The following BTD variants were observed in gnomAD, a reference collection of about 807,000 sequenced individuals.
BTD encodes biotinidase, also known as biocytinase.
A neutral mutation model predicts 17.7 loss-of-function variants in BTD; 13 were observed. The ratio of observed to expected loss-of-function variants is 0.74; its 90% CI spans 0.48 to 1.17. BTD has a LOEUF of 1.17. Ranked by LOEUF, BTD falls within the 50% of genes most tolerant of loss-of-function variation. The pLI is 0.00. For missense variants in BTD, 674 were observed against 650.4 expected, an observed-to-expected ratio of 1.04 and a Z score of -0.39; for synonymous variants, 240 against 245.2, an observed-to-expected ratio of 0.98 and a Z score of 0.20.
chr3:15,692,399 G>A (rs866420304), intron 3 of BTD, among the ~76,000 whole-genome samples: 3 of 152,158 alleles, frequency 2.0e-5, no homozygotes, highest in East Asian at 3.9e-4. Flanking sequence ...GTAGTGAGCC[G>A]TGATTGTGCC....
At chr3:15,713,671 G>A (rs776552607), downstream of BTD, 1 of 1,453,490 alleles carries the variant, frequency 6.9e-7, no homozygotes, top group South Asian at 1.3e-5. Context: ...GTCAGACACT[G>A]GACCATATAA....
At chr3:15,714,840 T>A (rs1006837094), downstream of BTD, among the ~76,000 whole-genome samples, 11 of 152,144 alleles carry the variant, frequency 7.2e-5, no homozygotes. Flanking sequence ...AGCACGTGTA[T>A]CATAAAACAC....
chr3:15,658,091 C>T (rs959294552), downstream of BTD, among the ~76,000 whole-genome samples: 5 of 150,946 alleles, frequency 3.3e-5, no homozygotes, highest in East Asian at 5.9e-4. Flanking sequence ...TCGCTTGAAC[C>T]GGGGAGGTGG....
chr3:15,666,897 G>C (rs1193986177), intron 3 of BTD, among the ~76,000 whole-genome samples: 3 of 152,210 alleles, frequency 2.0e-5, no homozygotes, highest in East Asian at 3.9e-4. Flanking sequence ...CTCCCAATGT[G>C]ATCTTATTCT....
intron 3 of BTD, among the ~76,000 whole-genome samples, chr3:15,679,963 A>C (rs968919502): frequency 6.6e-6 from 1 of 152,174 alleles, no homozygotes; most frequent in Admixed American, 6.5e-5. Context: ...GAGATGATTT[A>C]AAGTATAGCA....
At chr3:15,663,222 C>G (rs557473749) in intron 3 of BTD, among the ~76,000 whole-genome samples, 74 of 152,226 alleles carry the variant, frequency 4.9e-4, no homozygotes, top group Non-Finnish European at 8.8e-4. Flanking sequence ...TCGAACTCCT[C>G]ACCTCAGGTG....
intron 3 of BTD, among the ~76,000 whole-genome samples, chr3:15,683,104 G>C (rs190321388): frequency 6.6e-6 from 1 of 152,280 alleles, no homozygotes; most frequent in Admixed American, 6.5e-5. Context: ...CCAAAGGACA[G>C]TTACAGCAGT....
At chr3:15,618,514 T>C (rs1209067895) in intron 1 of BTD, among the ~76,000 whole-genome samples, 1 of 152,148 alleles carries the variant, frequency 6.6e-6, no homozygotes, top group East Asian at 1.9e-4. Context: ...TAAATAGTAT[T>C]ATGGTTTTTA....
At chr3:15,622,742 AC>A (rs1169809720) in intron 1 of BTD, among the ~76,000 whole-genome samples, 2 of 190 alleles carry the variant, frequency 0.011, no homozygotes, top group Non-Finnish European at 0.023. Flanking sequence ...CATTGTTGGC[AC>A]AATGCACATT....
intron 1 of BTD, among the ~76,000 whole-genome samples, chr3:15,634,030 T>C (rs2065280613): frequency 6.6e-6 from 1 of 152,170 alleles, no homozygotes; most frequent in African/African-American, 2.4e-5. Flanking sequence ...TACATTTCCC[T>C]GGGGAAAGAA....
rs11921 is a variant in BTD at position 15,669,221 on chromosome 3, T to G, written c.399+27164T>G. The G allele has an allele frequency of 3.3e-5, 5 of 152,196 alleles. No individual in the cohort carries two copies. In the South Asian group the frequency reaches 1.0e-3, roughly 31 times the overall value. 9.4% of individuals were successfully genotyped at this position (152,196 alleles called of 1,614,324 possible). ...GAACAACAAGGAATTATTTTCCTTT[T>G]GATTATTCACTTTTTCAAAACTCAT... is the stretch of plus-strand genomic sequence containing the variant. On this transcript the variant is annotated intron_variant, in intron 3 of 3. Coordinates refer to the BTD transcript ENST00000672141.
intron 3 of BTD, among the ~76,000 whole-genome samples, chr3:15,661,072 C>A (rs1173397363): frequency 4.0e-5 from 6 of 151,706 alleles, no homozygotes; most frequent in Non-Finnish European, 7.4e-5. Flanking sequence ...TCAAGACAAG[C>A]CTGGCCAACA....
At chr3:15,711,692 A>AT (rs879312791) in exon 4 of BTD, among the ~76,000 whole-genome samples, 178 of 144,964 alleles carry the variant, frequency 1.2e-3, no homozygotes, top group Admixed American at 1.2e-3. Context: ...GGTTTTCTGT[A>AT]TTTTTTTTTT....
At chr3:15,654,597 C>T (rs1245428315), downstream of BTD, among the ~76,000 whole-genome samples, 1 of 151,856 alleles carries the variant, frequency 6.6e-6, no homozygotes, top group Non-Finnish European at 1.5e-5. Context: ...GTCCTGCATC[C>T]TTTTTTTTGT....
intron 3 of BTD, among the ~76,000 whole-genome samples, chr3:15,691,117 G>A (rs1450752661): frequency 6.6e-6 from 1 of 151,328 alleles, no homozygotes; most frequent in Admixed American, 6.6e-5. Context: ...TTGTCAGACT[G>A]AAGTTGTCTT....
intron 1 of BTD, among the ~76,000 whole-genome samples, chr3:15,613,087 T>G (rs1350221427): frequency 6.6e-6 from 1 of 152,204 alleles, no homozygotes; most frequent in Non-Finnish European, 1.5e-5. Flanking sequence ...TTAACTAGAT[T>G]AACTGGCTTG....
In BTD at chr3:15,671,232, C is replaced by T. The variant is rs1211277982; in HGVS notation, c.399+29175C>T. The stretch of plus-strand genomic sequence containing the variant: ...TTTTTTTAAGCGGAAGACAACTGAC[C>T]TTAGTCGTAAGTTACCACAAAGTGT... On this transcript the variant is annotated intron_variant, in intron 3 of 3. Transcript: ENST00000672141. 2.0e-5 allele frequency among the ~76,000 whole-genome samples: 3 copies of T among 152,078 alleles called. No individual in the cohort carries two copies. The East Asian group carries it at 5.8e-4, about 29-fold the overall frequency.
chr3:15,716,676 C>T (rs969085835), downstream of BTD, among the ~76,000 whole-genome samples: 3 of 151,968 alleles, frequency 2.0e-5, no homozygotes, highest in Admixed American at 6.6e-5. Flanking sequence ...CTAAACAACC[C>T]CCACAACTCA....
rs146367275 is a variant in BTD, at chr3:15,650,250, G to T, written c.*4762G>T. On this transcript the variant is annotated 3_prime_UTR_variant, in exon 4 of 4. Coordinates refer to ENST00000643237, the MANE Select transcript of BTD (RefSeq NM_001370658.1). ...AAAAACACAACGAAACATTATTTCC[G>T]TTTGGAAAGTTTTTTTATTTTTGTG... 6.6e-6 allele frequency among the ~76,000 whole-genome samples: 1 copy of T among 152,184 alleles called. No individual in the cohort carries two copies. The highest frequency in any genetic ancestry group is 2.4e-5 in the African/African-American group (1 of 41,430).
Sources: allele counts gnomAD v4.1 joint callset (sites outside exome capture counted in the v4.1 genomes callset), GRCh38; gene constraint gnomAD v4.1.1; transcripts MANE v1.5; gene names NCBI Gene and HGNC (gene_info 2026-07-23, HGNC 2026-07-21).